Variants in TMEM132B observed in about 807,000 individuals in gnomAD.
TMEM132B encodes the protein transmembrane protein 132B.
A neutral mutation model predicts 90.8 loss-of-function variants in TMEM132B; 18 were observed. The ratio of observed to expected loss-of-function variants is 0.20; its 90% CI spans 0.14 to 0.29. The LOEUF is 0.29. Ranked by LOEUF, TMEM132B falls within the 10% of genes least tolerant of loss-of-function variation. The pLI is 1.00. For missense variants in TMEM132B, 1,096 were observed against 1,326.8 expected, an observed-to-expected ratio of 0.83 and a Z score of 2.70; for synonymous variants, 504 against 523.3, an observed-to-expected ratio of 0.96 and a Z score of 0.50.
intron 2 of TMEM132B, among the ~76,000 whole-genome samples, chr12:125,384,791 C>T (rs1160940062): frequency 6.6e-6 from 1 of 152,152 alleles, no homozygotes; most frequent in East Asian, 1.9e-4. Flanking sequence ...GCTGGGATTA[C>T]AGGAGCGTGC....
At chr12:125,331,854 A>G (rs1001931199) in intron 1 of TMEM132B, among the ~76,000 whole-genome samples, 22 of 152,252 alleles carry the variant, frequency 1.4e-4, no homozygotes, top group Admixed American at 1.2e-3. Context: ...CCCGGGCTCT[A>G]ACGATCCTCC....
intron 3 of TMEM132B, among the ~76,000 whole-genome samples, chr12:125,469,307 A>G (rs1364547839): frequency 6.6e-6 from 1 of 152,228 alleles, no homozygotes; most frequent in African/African-American, 2.4e-5. Context: ...TGTAACCAAA[A>G]CACTCTTTAC....
intron 3 of TMEM132B, among the ~76,000 whole-genome samples, chr12:125,502,323 T>C (rs925498019): frequency 2.6e-5 from 4 of 152,192 alleles, no homozygotes; most frequent in African/African-American, 9.7e-5. Flanking sequence ...CAAATCTCAG[T>C]GGTTTAAAAC....
chr12:125,570,545 C>G (rs1047177008), intron 4 of TMEM132B, among the ~76,000 whole-genome samples: 23 of 152,282 alleles, frequency 1.5e-4, no homozygotes, highest in Admixed American at 1.5e-3. Context: ...GAGTGCTATC[C>G]TATTTGAAAT....
chr12:125,261,948 G>A (rs187617003), intron 1 of TMEM132B, among the ~76,000 whole-genome samples: 2 of 152,182 alleles, frequency 1.3e-5, no homozygotes, highest in East Asian at 1.9e-4. Context: ...CTCCAACGTC[G>A]GCCTCCCAAA....
chr12:125,561,882 C>A (rs1402215460), intron 4 of TMEM132B, among the ~76,000 whole-genome samples: 1 of 152,152 alleles, frequency 6.6e-6, no homozygotes, highest in South Asian at 2.1e-4. Context: ...TAAATGAGCA[C>A]TGGCTTCAAC....
intron 1 of TMEM132B, among the ~76,000 whole-genome samples, chr12:125,235,870 C>T (rs555534126): frequency 1.6e-5 from 2 of 122,570 alleles, no homozygotes; most frequent in Admixed American, 2.2e-4. Flanking sequence ...GTGGCACAAT[C>T]TCGGCTCACT....
At chr12:125,348,014 C>T (rs1877417729) in intron 1 of TMEM132B, among the ~76,000 whole-genome samples, 2 of 151,802 alleles carry the variant, frequency 1.3e-5, no homozygotes, top group Non-Finnish European at 2.9e-5. Context: ...TATAGACACA[C>T]AAACATAAAT....
At chr12:125,340,427 GAC>G (rs1877143358) in intron 1 of TMEM132B, among the ~76,000 whole-genome samples, 1 of 151,996 alleles carries the variant, frequency 6.6e-6, no homozygotes, top group African/African-American at 2.4e-5. Context: ...AAAATGAAGA[GAC>G]ACACCCATCT....
chr12:125,397,173 A>C (rs745327630), intron 2 of TMEM132B, among the ~76,000 whole-genome samples: 2 of 151,822 alleles, frequency 1.3e-5, no homozygotes, highest in African/African-American at 2.4e-5. Context: ...GGGTTTCATC[A>C]TGTTGGCCAG....
intron 1 of TMEM132B, among the ~76,000 whole-genome samples, chr12:125,345,653 C>T (rs991756169): frequency 3.3e-5 from 5 of 152,194 alleles, no homozygotes; most frequent in Non-Finnish European, 7.3e-5. Context: ...AGCCACAGAG[C>T]ATCTGTCTGG....
chr12:125,544,082 G>T (rs546469272), intron 4 of TMEM132B, among the ~76,000 whole-genome samples: 1 of 152,014 alleles, frequency 6.6e-6, no homozygotes, highest in Non-Finnish European at 1.5e-5. Context: ...TATTATCCTC[G>T]GCAAACTAAC....
chr12:125,422,205 G>T lies in TMEM132B; in HGVS notation c.1106+6528G>T, dbSNP rs752435490. On this transcript the variant is annotated intron_variant, in intron 3 of 8. Coordinates refer to ENST00000682704, the MANE Select transcript of TMEM132B (RefSeq NM_001366854.1). ...AGAAATATTAGAACCCTGTAAAGTG[G>T]ATATGGAACGTTATTATTATTCCCA... Among the ~76,000 whole-genome samples the T allele has an allele frequency of 6.6e-5, 10 of 152,186 alleles. 1 individual carries two copies. Among genetic ancestry groups the T allele is most frequent in the Non-Finnish European group, 1.3e-4 (9 of 68,038 alleles).
At chr12:125,219,213 C>G (rs567547082) in intron 1 of TMEM132B, among the ~76,000 whole-genome samples, 1 of 152,114 alleles carries the variant, frequency 6.6e-6, no homozygotes, top group Non-Finnish European at 1.5e-5. Flanking sequence ...GGCCACGTGG[C>G]AGAGATGCAG....
Position 125,229,064 on chromosome 12 carries a change from A to C in TMEM132B, c.67+42198A>C, listed in dbSNP as rs1325195494. ...CTTGCCAGCACACCGAGGAGGGCAGACAGGGAGCTGGAAGGAAGCCTGGGT... is the reference window on the plus strand; with the variant it reads ...CTTGCCAGCACACCGAGGAGGGCAGCCAGGGAGCTGGAAGGAAGCCTGGGT... On this transcript the variant is annotated intron_variant, in intron 1 of 8. Transcript: ENST00000682704. Among the ~76,000 whole-genome samples the C allele has an allele frequency of 2.0e-5, 3 of 152,226 alleles. No individual in the cohort carries two copies. The East Asian group carries it at 5.8e-4, about 29-fold the overall frequency.
intron 3 of TMEM132B, among the ~76,000 whole-genome samples, chr12:125,503,465 C>A (rs903098205): frequency 2.6e-5 from 4 of 152,198 alleles, no homozygotes; most frequent in Admixed American, 2.6e-4. Context: ...TGCTGACTCA[C>A]CGCTGGATCT....
intron 2 of TMEM132B, among the ~76,000 whole-genome samples, chr12:125,394,824 G>A (rs1042783051): frequency 6.6e-6 from 1 of 152,160 alleles, no homozygotes; most frequent in Non-Finnish European, 1.5e-5. Context: ...TCACTTCCAT[G>A]TGGGAGCTAC....
At position 125,481,850 on chromosome 12, in the gene TMEM132B, C is replaced by T. The variant is rs1477533106; in HGVS notation, c.1107-37589C>T. On this transcript the variant is annotated intron_variant, in intron 3 of 8. Transcript: ENST00000682704. ...AGGCATCGCACTACCTGACTTCAAA[C>T]TATACTACAAGGCTACAGTAACCAA... Among the ~76,000 whole-genome samples the T allele has an allele frequency of 7.9e-5, 12 of 152,314 alleles. No individual in the cohort carries two copies. In the East Asian group the frequency reaches 1.7e-3, roughly 22 times the overall value.
At chr12:125,559,532 T>C (rs1884468552) in intron 4 of TMEM132B, among the ~76,000 whole-genome samples, 1 of 152,208 alleles carries the variant, frequency 6.6e-6, no homozygotes, top group Non-Finnish European at 1.5e-5. Flanking sequence ...GGGAAAATTT[T>C]GTAACCTTGA....
Sources: gnomAD v4.1 joint callset for allele counts (sites outside exome capture counted in the v4.1 genomes callset) on GRCh38, gnomAD v4.1.1 for gene constraint, MANE v1.5 for transcripts, NCBI Gene and HGNC (gene_info 2026-07-23, HGNC 2026-07-21) for gene names.